Variants in ZNF664 observed in about 807,000 individuals in gnomAD.
ZNF664 encodes the protein zinc finger Organ of Corti 1.
ZNF664 carries 10 observed loss-of-function variants against 18.2 expected under a neutral mutation model. That is an observed-to-expected ratio of 0.55 (90% CI 0.34 to 0.93). The LOEUF (loss-of-function observed/expected upper bound fraction) is 0.93, where lower values mean the gene tolerates loss of function less well. Ranked by LOEUF, ZNF664 falls within the 40% of genes least tolerant of loss-of-function variation. The pLI, the probability that ZNF664 is intolerant of heterozygous loss-of-function variation, is 0.02. For missense variants in ZNF664, 193 were observed against 319.0 expected (o/e 0.61, Z 3.01); for synonymous variants, 119 against 104.2 (o/e 1.14, Z -0.86).
intron 3 of ZNF664, among the ~76,000 whole-genome samples, chr12:124,007,010 C>G (rs780605909): frequency 6.6e-6 from 1 of 152,180 alleles, no homozygotes; most frequent in Admixed American, 6.5e-5. Context: ...ACAGCTGCCT[C>G]TATCTGTGTG....
At position 124,010,786 on chromosome 12, in the gene ZNF664, G is replaced by A. The variant is rs534960727; in HGVS notation, c.-660-595G>A. ...TGTGGGCTTTAAAGGAATCAAAGGA[G>A]ATGAAAACAGAGTCTAGCCGGGGGG... On this transcript the variant is annotated intron_variant, in intron 3 of 4. Coordinates refer to ENST00000337815, the MANE Select transcript of ZNF664 (RefSeq NM_152437.3). Among the ~76,000 whole-genome samples the A allele has an allele frequency of 3.9e-5, 6 of 152,324 alleles. No individual in the cohort carries two copies. The South Asian group carries it at 1.2e-3, about 32-fold the overall frequency.
Position 124,011,902 on chromosome 12 carries a change from G to C in ZNF664, c.-243G>C. Reference sequence around the variant, plus strand: ...TGTGTTAATGAGTTACAGAATTCACGTGGAAGTCAATGTCACTTTATAATC... The same window carrying C: ...TGTGTTAATGAGTTACAGAATTCACCTGGAAGTCAATGTCACTTTATAATC... On this transcript the variant is annotated 5_prime_UTR_variant, in exon 5 of 5. Coordinates refer to ENST00000337815, the MANE Select transcript of ZNF664 (RefSeq NM_152437.3). 2 of 1,299,080 alleles carry C rather than the reference G, an allele frequency of 1.5e-6. No individual in the cohort carries two copies. The highest frequency in any genetic ancestry group is 4.3e-5 in the South Asian group (2 of 46,772). 80.5% of individuals were successfully genotyped at this position (1,299,080 alleles called of 1,614,324 possible). A position where few individuals can be genotyped will look rare whatever the true frequency, so the allele number is the denominator to read the frequency against.
At chr12:123,974,080 A>T in intron 2 of ZNF664, 60 bp downstream of exon 2, 1 of 1,193,198 alleles carries the variant, frequency 8.4e-7, no homozygotes, top group East Asian at 3.2e-5. Context: ...AGGCGTTCTC[A>T]CCCCTTCCAG....
chr12:123,974,703 G>A (rs1041946710), intron 2 of ZNF664: 4 of 152,186 alleles, frequency 2.6e-5, no homozygotes, highest in Non-Finnish European at 4.4e-5. Context: ...TTACGTGTGT[G>A]CACTTAACAT....
At chr12:123,979,069 A>G (rs927052122) in intron 2 of ZNF664, among the ~76,000 whole-genome samples, 1 of 152,222 alleles carries the variant, frequency 6.6e-6, no homozygotes, top group African/African-American at 2.4e-5. Flanking sequence ...AGAAGGATAC[A>G]CTGGAAATGA....
rs370177316 is a variant in ZNF664, at chr12:124,012,965, A to C, written c.*35A>C. ...CTAAGAGTTTAAAATCTTAAAACCC[A>C]TAAGTGCCACTAGGAAGGAAACCCT... On this transcript the variant is annotated 3_prime_UTR_variant, in exon 5 of 5. Transcript: ENST00000337815. 4 of 1,596,072 alleles carry C rather than the reference A, an allele frequency of 2.5e-6. No individual in the cohort carries two copies. The highest frequency in any genetic ancestry group is 3.4e-6 in the Non-Finnish European group (4 of 1,172,888).
At chr12:123,981,752 A>C (rs1334922196) in intron 2 of ZNF664, among the ~76,000 whole-genome samples, 1 of 152,264 alleles carries the variant, frequency 6.6e-6, no homozygotes, top group Non-Finnish European at 1.5e-5. Flanking sequence ...GTGTGTCACG[A>C]AGAGGATTTA....
rs1424106835 is a variant in ZNF664 at position 124,012,480 on chromosome 12, G to A, written c.336G>A (p.Glu112=). The change falls in exon 5 of 5, where the codon GAG becomes GAA. Residue 112 remains glutamate, a synonymous_variant. Coordinates refer to ENST00000337815, the MANE Select transcript of ZNF664 (RefSeq NM_152437.3). ...TTCATATGAGAGTTCATACAGGTGA[G>A]AAACCGTATGTCTGTAGTGAGTGTG... The part of the protein sequence containing the change: ...LQIHMRVHTG[E]KPYVCSECGR... 1.2e-6 allele frequency: 2 copies of A among 1,614,086 alleles called. No individual in the cohort carries two copies. Among genetic ancestry groups the A allele is most frequent in the Admixed American group, 1.7e-5 (1 of 60,014 alleles).
chr12:124,003,075 A>G (rs1347829248), intron 3 of ZNF664, among the ~76,000 whole-genome samples: 1 of 152,114 alleles, frequency 6.6e-6, no homozygotes, highest in African/African-American at 2.4e-5. Context: ...TTGGGAAAGA[A>G]ACATGTTTTC....
At chr12:124,009,614 T>C (rs975950180) in intron 3 of ZNF664, among the ~76,000 whole-genome samples, 1 of 152,186 alleles carries the variant, frequency 6.6e-6, no homozygotes, top group Non-Finnish European at 1.5e-5. Flanking sequence ...TCTTCCTGCC[T>C]CAGCTTCCTG....
At chr12:124,009,633 C>T (rs1198331582) in intron 3 of ZNF664, among the ~76,000 whole-genome samples, 2 of 152,070 alleles carry the variant, frequency 1.3e-5, no homozygotes, top group African/African-American at 4.8e-5. Flanking sequence ...TGAGTAGCTG[C>T]GACTACGGGT....
chr12:124,014,252 G>GAGGAGA lies in ZNF664; in HGVS notation c.*1325_*1330dup, dbSNP rs1957166721. The GAGGAGA allele has an allele frequency of 6.0e-6, 1 of 167,194 alleles. No individual in the cohort carries two copies. Among genetic ancestry groups the GAGGAGA allele is most frequent in the Admixed American group, 6.5e-5 (1 of 15,282 alleles). The allele number at this position is 167,194 out of a possible 1,614,324, so 10.4% of individuals were successfully genotyped here. ...GCGGTGGGATGTTGAGCTGAGGCCG[G>GAGGAGA]AGGAGAAGTAGCAGTCGCTGGCAGA... On this transcript the variant is annotated 3_prime_UTR_variant, in exon 5 of 5. Coordinates refer to ENST00000337815, the MANE Select transcript of ZNF664 (RefSeq NM_152437.3).
chr12:124,010,849 C>T (rs1214926353), intron 3 of ZNF664, among the ~76,000 whole-genome samples: 1 of 152,080 alleles, frequency 6.6e-6, no homozygotes, highest in Non-Finnish European at 1.5e-5. Flanking sequence ...ACCCACAAAG[C>T]TCTGCACAAA....
intron 3 of ZNF664, among the ~76,000 whole-genome samples, chr12:123,994,215 A>G (rs938094154): frequency 2.0e-5 from 3 of 152,178 alleles, no homozygotes; most frequent in South Asian, 2.1e-4. Flanking sequence ...TCAGTCTTCA[A>G]AAAAAGTGGG....
intron 2 of ZNF664, among the ~76,000 whole-genome samples, chr12:123,977,535 A>G (rs1489915636): frequency 6.6e-6 from 1 of 151,386 alleles, no homozygotes; most frequent in African/African-American, 2.4e-5. Context: ...TGAACCGTGT[A>G]GGCACAACCT....
In ZNF664 at chr12:123,973,940, C is replaced by T. The variant is rs1382341241; in HGVS notation, c.-837C>T. ...CATCCCGCTCAGGTGATGAGGAACC[C>T]CTCGCGCACCCAGCGCAGAAGGCTG... On this transcript the variant is annotated 5_prime_UTR_variant, in exon 2 of 5. Transcript: ENST00000337815. 17 of 1,231,796 alleles carry T rather than the reference C, an allele frequency of 1.4e-5. No individual in the cohort carries two copies. Among genetic ancestry groups the T allele is most frequent in the Non-Finnish European group, 1.5e-5 (15 of 988,088 alleles). The allele number at this position is 1,231,796 out of a possible 1,614,324, so 76.3% of individuals were successfully genotyped here.
intron 2 of ZNF664, among the ~76,000 whole-genome samples, chr12:123,976,006 C>T (rs1305000849): frequency 6.6e-6 from 1 of 152,090 alleles, no homozygotes; most frequent in Non-Finnish European, 1.5e-5. Flanking sequence ...TGATGGGTAA[C>T]ATTTTAAGAT....
intron 3 of ZNF664, among the ~76,000 whole-genome samples, chr12:123,995,870 CCCT>C (rs1284213311): frequency 6.6e-6 from 1 of 152,148 alleles, no homozygotes; most frequent in Non-Finnish European, 1.5e-5. Flanking sequence ...GTTTTGTACC[CCCT>C]GACTGGACCA....
At chr12:124,010,655 A>C (rs1255775029) in intron 3 of ZNF664, among the ~76,000 whole-genome samples, 2 of 152,228 alleles carry the variant, frequency 1.3e-5, no homozygotes, top group Admixed American at 6.5e-5. Context: ...TCTCATTGCC[A>C]GGTTATAACA....
Sources: allele counts gnomAD v4.1 joint callset (sites outside exome capture counted in the v4.1 genomes callset), GRCh38; gene constraint gnomAD v4.1.1; transcripts MANE v1.5; gene names NCBI Gene and HGNC (gene_info 2026-07-23, HGNC 2026-07-21).